Variants in SYN3 observed in about 807,000 individuals in gnomAD.
SYN3 encodes the protein synapsin III.
In SYN3, 35 loss-of-function variants were observed where a neutral mutation model predicts 65.8. That is an observed-to-expected ratio of 0.53 (90% confidence interval 0.41 to 0.70). The LOEUF (loss-of-function observed/expected upper bound fraction) is 0.70. Ranked by LOEUF, SYN3 falls within the 30% of genes least tolerant of loss-of-function variation. SYN3 has a pLI of 0.00. For missense variants in SYN3, 680 were observed against 749.0 expected (o/e 0.91, Z 1.08); for synonymous variants, 270 against 292.9 (o/e 0.92, Z 0.80).
At chr22:32,936,420 T>C (rs941921380) in intron 3 of SYN3, among the ~76,000 whole-genome samples, 1 of 152,142 alleles carries the variant, frequency 6.6e-6, no homozygotes, top group African/African-American at 2.4e-5. Flanking sequence ...AGATTGAAGT[T>C]CAGGGTAGCC....
intron 6 of SYN3, among the ~76,000 whole-genome samples, chr22:32,601,272 T>C (rs2059277964): frequency 6.6e-6 from 1 of 150,966 alleles, no homozygotes; most frequent in East Asian, 2.1e-4. Context: ...CTTTGCCTTT[T>C]TTTTTCTTTC....
chr22:32,901,878 G>A (rs1024588960), intron 4 of SYN3, among the ~76,000 whole-genome samples: 2 of 152,208 alleles, frequency 1.3e-5, no homozygotes, highest in South Asian at 2.1e-4. Flanking sequence ...GTTTGAGCTG[G>A]GCCAGCCTTG....
chr22:32,559,196 A>C (rs2058547665), intron 7 of SYN3, among the ~76,000 whole-genome samples: 1 of 152,210 alleles, frequency 6.6e-6, no homozygotes, highest in South Asian at 2.1e-4. Context: ...CTGAGATTTC[A>C]ACTACGTCCG....
intron 6 of SYN3, among the ~76,000 whole-genome samples, chr22:32,792,141 C>T (rs1050296836): frequency 1.3e-5 from 2 of 152,208 alleles, no homozygotes; most frequent in Non-Finnish European, 2.9e-5. Context: ...TCATGAAAAT[C>T]CTACGAGGTA....
chr22:32,769,038 A>G (rs2045698810), intron 6 of SYN3, among the ~76,000 whole-genome samples: 1 of 152,064 alleles, frequency 6.6e-6, no homozygotes, highest in South Asian at 2.1e-4. Flanking sequence ...CCTTTCGCCG[A>G]TTCTAGGACA....
chr22:32,714,698 C>T (rs993252310), intron 6 of SYN3, among the ~76,000 whole-genome samples: 1 of 152,052 alleles, frequency 6.6e-6, no homozygotes, highest in Admixed American at 6.5e-5. Flanking sequence ...GTTGCGAATG[C>T]CACCCCACTA....
intron 6 of SYN3, among the ~76,000 whole-genome samples, chr22:32,657,202 C>T (rs1319371887): frequency 4.0e-5 from 6 of 151,510 alleles, no homozygotes; most frequent in Non-Finnish European, 7.4e-5. Flanking sequence ...TGGCTCACTG[C>T]GAGCTCCACC....
intron 6 of SYN3, among the ~76,000 whole-genome samples, chr22:32,671,946 G>GT (rs985759025): frequency 3.3e-5 from 5 of 152,370 alleles, no homozygotes; most frequent in African/African-American, 7.2e-5. Flanking sequence ...GATCTCAAGT[G>GT]TCCCTCACAA....
chr22:32,822,908 AAACAAC>A (rs201183941), intron 6 of SYN3, among the ~76,000 whole-genome samples: 1 of 149,954 alleles, frequency 6.7e-6, no homozygotes. Flanking sequence ...AATTTGTTAA[AAACAAC>A]AACAACAACA....
intron 1 of SYN3, among the ~76,000 whole-genome samples, chr22:33,037,636 C>T (rs1046725448): frequency 3.9e-5 from 6 of 152,104 alleles, no homozygotes; most frequent in Non-Finnish European, 4.4e-5. Context: ...CTGAAGCATC[C>T]GAGACTCAGA....
At position 32,599,324 on chromosome 22, in the gene SYN3, CTT is replaced by C. The variant is rs58109238; in HGVS notation, c.712-2590_712-2589del. Among the ~76,000 whole-genome samples the C allele has an allele frequency of 9.1e-3, 1,312 of 143,852 alleles. 15 individuals are homozygous for C. Among genetic ancestry groups the C allele is most frequent in the African/African-American group, 0.03 (1,201 of 39,446 alleles). 94.4% of individuals were successfully genotyped at this position (143,852 alleles called of 152,430 possible). A position where few individuals can be genotyped will look rare whatever the true frequency, so the allele number is the denominator to read the frequency against. ...TTAGACAGCTGAAGCCCCTGATGTA[CTT>C]TTTTTTTTTTTTTGAGGCAGAGTCT... On this transcript the variant is annotated intron_variant, in intron 6 of 13. Transcript: ENST00000358763.
intron 13 of SYN3, among the ~76,000 whole-genome samples, chr22:32,516,406 C>T (rs970038945): frequency 9.3e-5 from 14 of 151,278 alleles, no homozygotes; most frequent in Non-Finnish European, 1.6e-4. Context: ...CTTTGTTGCC[C>T]AGGCTGGAGT....
chr22:32,839,861 C>T (rs2047842866), intron 6 of SYN3, among the ~76,000 whole-genome samples: 1 of 152,094 alleles, frequency 6.6e-6, no homozygotes, highest in African/African-American at 2.4e-5. Flanking sequence ...TGTTTCCTTG[C>T]CTCCCCTTCC....
Position 32,801,932 on chromosome 22 carries a change from C to G in SYN3, c.711+62983G>C, listed in dbSNP as rs1254357553. On this transcript the variant is annotated intron_variant, in intron 6 of 13. Transcript: ENST00000358763. The surrounding 1 kb of genome is among the most constrained non-coding windows in gnomAD (Gnocchi z 4.7). ...GCGAGCGAGCTCGGGCTGCAGCAGC[C>G]CCGCCGGCGGCGCGCACGGCAACTT... 3.3e-6 allele frequency: 5 copies of G among 1,513,200 alleles called. No homozygotes were observed. The highest frequency in any genetic ancestry group is 4.4e-6 in the Non-Finnish European group (5 of 1,137,460). The allele number at this position is 1,513,200 out of a possible 1,614,324, so 93.7% of individuals were successfully genotyped here. A position where few individuals can be genotyped will look rare whatever the true frequency, so the allele number is the denominator to read the frequency against.
At chr22:32,971,038 T>C (rs867497137) in intron 3 of SYN3, among the ~76,000 whole-genome samples, 3 of 152,258 alleles carry the variant, frequency 2.0e-5, no homozygotes, top group Non-Finnish European at 4.4e-5. Context: ...ACAGGCATAC[T>C]GTGTGGATTG....
Position 33,043,472 on chromosome 22 carries a change from C to T in SYN3, c.-163+14820G>A, listed in dbSNP as rs544077306. Reference sequence around the variant, plus strand: ...CTGAGGCAGGAGAATGGCTTGAACCCGGGAGATGGAGGTTGGAGTGAGCTG... The same window carrying T: ...CTGAGGCAGGAGAATGGCTTGAACCTGGGAGATGGAGGTTGGAGTGAGCTG... On this transcript the variant is annotated intron_variant, in intron 1 of 13. Coordinates refer to ENST00000358763, the MANE Select transcript of SYN3 (RefSeq NM_003490.4). Among the ~76,000 whole-genome samples, 7 of 152,006 alleles carry T rather than the reference C, an allele frequency of 4.6e-5. No homozygotes were observed. In the East Asian group the frequency reaches 1.2e-3, roughly 25 times the overall value.
chr22:32,539,650 T>A (rs1434023369), intron 8 of SYN3, among the ~76,000 whole-genome samples: 1 of 151,960 alleles, frequency 6.6e-6, no homozygotes. Flanking sequence ...CCGGGGAAAT[T>A]CTACACTGAA....
intron 6 of SYN3, among the ~76,000 whole-genome samples, chr22:32,716,464 T>G (rs2061040101): frequency 6.6e-6 from 1 of 152,070 alleles, no homozygotes; most frequent in Non-Finnish European, 1.5e-5. Context: ...GCTGGCAAGT[T>G]TTGATGTTTA....
intron 6 of SYN3, among the ~76,000 whole-genome samples, chr22:32,841,907 G>A (rs1283363952): frequency 1.6e-4 from 24 of 152,144 alleles, no homozygotes; most frequent in Admixed American, 1.6e-3. Context: ...GCAAAAGCGT[G>A]GGAGCTGTCA....
Sources: gnomAD v4.1 joint callset for allele counts (sites outside exome capture counted in the v4.1 genomes callset) on GRCh38, gnomAD v4.1.1 for gene constraint, Gnocchi (gnomAD v3.1) non-coding constraint, MANE v1.5 for transcripts, NCBI Gene and HGNC (gene_info 2026-07-23, HGNC 2026-07-21) for gene names.